The following MGAT4C variants were observed in gnomAD, a reference collection of about 807,000 sequenced individuals.
The protein encoded by MGAT4C is alpha-1,3-mannosyl-glycoprotein 4-beta-N-acetylglucosaminyltransferase C.
MGAT4C carries 19 observed loss-of-function variants against 40.1 expected under a neutral mutation model. The ratio of observed to expected loss-of-function variants is 0.47; its 90% confidence interval spans 0.33 to 0.70. The LOEUF (loss-of-function observed/expected upper bound fraction) is 0.70. Among genes scored for constraint, MGAT4C ranks in the 30% least tolerant of loss-of-function variants. The probability of loss-of-function intolerance (pLI) is 0.02; values close to 1 mark genes in which losing one functional copy is unlikely to be tolerated. For synonymous variants in MGAT4C, 181 were observed against 187.1 expected (o/e 0.97, Z 0.27); for missense variants, 491 against 563.2 (o/e 0.87, Z 1.30).
At chr12:86,378,999 T>G (rs1050530096) in intron 3 of MGAT4C, among the ~76,000 whole-genome samples, 1 of 152,128 alleles carries the variant, frequency 6.6e-6, no homozygotes. Context: ...CTCTATCTTT[T>G]GCCAAAAATG....
intron 1 of MGAT4C, among the ~76,000 whole-genome samples, chr12:86,742,856 T>G (rs1269657504): frequency 6.6e-6 from 1 of 151,682 alleles, no homozygotes; most frequent in Non-Finnish European, 1.5e-5. Context: ...CTTGATTAAA[T>G]AGTGTTCACA....
At chr12:86,821,488 A>G (rs923479308) in intron 1 of MGAT4C, among the ~76,000 whole-genome samples, 2 of 150,858 alleles carry the variant, frequency 1.3e-5, no homozygotes, top group Non-Finnish European at 3.0e-5. Context: ...AGCAGTTATC[A>G]TTTCTTTGTG....
At chr12:86,025,440 C>CA (rs1325193488) in intron 2 of MGAT4C, among the ~76,000 whole-genome samples, 3 of 151,574 alleles carry the variant, frequency 2.0e-5, no homozygotes, top group Non-Finnish European at 4.4e-5. Context: ...TATTCCCTAG[C>CA]AGTCTCATAC....
At chr12:86,018,606 G>A (rs1027923736) in intron 2 of MGAT4C, among the ~76,000 whole-genome samples, 10 of 152,104 alleles carry the variant, frequency 6.6e-5, no homozygotes, top group East Asian at 1.9e-4. Context: ...AAGTTTTTCC[G>A]AAACATCATT....
chr12:86,150,000 C>A (rs561484506), intron 1 of MGAT4C, among the ~76,000 whole-genome samples: 3 of 152,232 alleles, frequency 2.0e-5, no homozygotes, highest in African/African-American at 7.2e-5. Flanking sequence ...CTTTTTGGCA[C>A]CAGGGACCGG....
intron 1 of MGAT4C, among the ~76,000 whole-genome samples, chr12:86,072,958 T>G (rs1008652198): frequency 6.6e-6 from 1 of 152,006 alleles, no homozygotes; most frequent in Non-Finnish European, 1.5e-5. Context: ...GGACTAGGAG[T>G]TACATTTCTA....
At chr12:86,235,483 T>C (rs898344548) in intron 1 of MGAT4C, among the ~76,000 whole-genome samples, 7 of 152,074 alleles carry the variant, frequency 4.6e-5, no homozygotes, top group African/African-American at 1.7e-4. Flanking sequence ...ATTTATTTTG[T>C]AATAGTTCCT....
At chr12:86,687,796 G>T (rs970981988) in intron 2 of MGAT4C, among the ~76,000 whole-genome samples, 3 of 152,148 alleles carry the variant, frequency 2.0e-5, no homozygotes, top group African/African-American at 7.2e-5. Flanking sequence ...GTGCGGAGAA[G>T]AATGTATATT....
chr12:86,661,935 T>TA (rs1963989809), intron 2 of MGAT4C, among the ~76,000 whole-genome samples: 1 of 152,188 alleles, frequency 6.6e-6, no homozygotes, highest in South Asian at 2.1e-4. Flanking sequence ...AGACTCCATC[T>TA]AAAAAAATCT....
At chr12:86,010,860 G>A (rs1375087949) in intron 2 of MGAT4C, among the ~76,000 whole-genome samples, 1 of 152,132 alleles carries the variant, frequency 6.6e-6, no homozygotes, top group African/African-American at 2.4e-5. Flanking sequence ...GGTTATCACA[G>A]GAGGGGTTAG....
chr12:86,625,945 G>T (rs1378578928), intron 2 of MGAT4C, among the ~76,000 whole-genome samples: 4 of 152,034 alleles, frequency 2.6e-5, no homozygotes, highest in African/African-American at 4.8e-5. Context: ...GGCAGAGAAT[G>T]TTAGACAGAA....
At chr12:86,721,407 C>T (rs1950733668) in intron 2 of MGAT4C, among the ~76,000 whole-genome samples, 1 of 151,732 alleles carries the variant, frequency 6.6e-6, no homozygotes, top group Non-Finnish European at 1.5e-5. Context: ...TTTGAGACAG[C>T]CATAGAAATG....
intron 1 of MGAT4C, among the ~76,000 whole-genome samples, chr12:86,798,077 A>G (rs533198444): frequency 1.3e-5 from 2 of 151,966 alleles, no homozygotes; most frequent in East Asian, 3.9e-4. Context: ...ATATCACATA[A>G]TATATTTTCC....
chr12:86,310,154 A>ATT (rs1368528366), intron 4 of MGAT4C, among the ~76,000 whole-genome samples: 6 of 145,248 alleles, frequency 4.1e-5, no homozygotes, highest in African/African-American at 7.5e-5. Context: ...CTCAAACTCA[A>ATT]TTTTTTTTTT....
intron 2 of MGAT4C, among the ~76,000 whole-genome samples, chr12:86,671,557 C>T (rs1242156797): frequency 4.6e-5 from 7 of 151,996 alleles, no homozygotes; most frequent in African/African-American, 1.7e-4. Context: ...CTATAAGAAA[C>T]ACATTTGATC....
At chr12:86,483,731 G>A (rs1957971930) in intron 2 of MGAT4C, among the ~76,000 whole-genome samples, 1 of 149,520 alleles carries the variant, frequency 6.7e-6, no homozygotes, top group Non-Finnish European at 1.5e-5. Flanking sequence ...CTTCAGTAGA[G>A]CCTGTAAGTC....
At chr12:86,042,617 G>C (rs1323410617) in intron 2 of MGAT4C, among the ~76,000 whole-genome samples, 2 of 152,032 alleles carry the variant, frequency 1.3e-5, no homozygotes, top group Admixed American at 1.3e-4. Context: ...CATTAAGAAT[G>C]CTGAATGGGA....
chr12:86,532,130 A>G (rs1026914533), intron 2 of MGAT4C, among the ~76,000 whole-genome samples: 3 of 152,020 alleles, frequency 2.0e-5, no homozygotes, highest in African/African-American at 7.2e-5. Context: ...TGAAATTCCT[A>G]TACTTTAAAT....
intron 2 of MGAT4C, among the ~76,000 whole-genome samples, chr12:86,004,902 G>T (rs1443820182): frequency 6.6e-6 from 1 of 152,140 alleles, no homozygotes; most frequent in Non-Finnish European, 1.5e-5. Flanking sequence ...GTAACTGTAG[G>T]CAGAAACTAA....
Sources: allele counts gnomAD v4.1 joint callset (sites outside exome capture counted in the v4.1 genomes callset), GRCh38; gene constraint gnomAD v4.1.1; transcripts MANE v1.5; gene names NCBI Gene and HGNC (gene_info 2026-07-23, HGNC 2026-07-21).